NCAPG2: variants seen among roughly 807,000 people sequenced by gnomAD.
NCAPG2 encodes the protein condensin-2 complex subunit G2.
A neutral mutation model predicts 141.1 loss-of-function variants in NCAPG2; 53 were observed. The observed-to-expected ratio is 0.38, with a 90% CI of 0.30 to 0.47. The LOEUF is 0.47. Ranked by LOEUF, NCAPG2 falls within the 20% of genes least tolerant of loss-of-function variation. NCAPG2 has a pLI of 0.99. For missense variants in NCAPG2, 1,087 were observed against 1,389.0 expected (o/e 0.78, Z 3.46); for synonymous variants, 499 against 490.7 (o/e 1.02, Z -0.22).
chr7:158,675,352 G>T, intron 12 of NCAPG2, 125 bp downstream of exon 12: 2 of 1,061,394 alleles, frequency 1.9e-6, no homozygotes, highest in Non-Finnish European at 2.6e-6. Context: ...TTGGATATAT[G>T]ACAGGTCAAA....
intron 22 of NCAPG2, among the ~76,000 whole-genome samples, chr7:158,653,764 C>A (rs1239781776): frequency 6.6e-6 from 1 of 152,190 alleles, no homozygotes; most frequent in Non-Finnish European, 1.5e-5. Flanking sequence ...TAGCAAATAA[C>A]TAGGCTTAAA....
intron 16 of NCAPG2, among the ~76,000 whole-genome samples, chr7:158,660,987 T>C (rs1469178485): frequency 2.0e-5 from 3 of 152,218 alleles, no homozygotes; most frequent in Admixed American, 2.0e-4. Context: ...CCGTCATGAC[T>C]GTGAGGCTTC....
intron 24 of NCAPG2, among the ~76,000 whole-genome samples, chr7:158,647,477 T>A (rs1355410079): frequency 6.6e-6 from 1 of 152,230 alleles, no homozygotes; most frequent in African/African-American, 2.4e-5. Context: ...TTATCAGCCT[T>A]GTGAGCTTCG....
chr7:158,655,575 T>C (rs1285267851), intron 19 of NCAPG2, 120 bp from the exon 20 acceptor site: 2 of 680,860 alleles, frequency 2.9e-6, no homozygotes, highest in Non-Finnish European at 4.8e-6. Context: ...CCCGCTCTGG[T>C]GAAGCCCAGT....
rs555734788 is a variant in NCAPG2 at position 158,653,372 on chromosome 7, A to T, written c.2747-892T>A. On this transcript the variant is annotated intron_variant, in intron 22 of 27. Transcript: ENST00000356309. ...AGAGAAAGACTTGGTCTCAAAAAAA[A>T]AAAAATAAAAAAAAAAATAATAATA... Among the ~76,000 whole-genome samples the T allele has an allele frequency of 7.8e-3, 728 of 93,238 alleles. 6 individuals are homozygous for T. Among genetic ancestry groups the T allele is most frequent in the South Asian group, 0.016 (43 of 2,638 alleles). The allele number at this position is 93,238 out of a possible 152,430, so 61.2% of individuals were successfully genotyped here.
At chr7:158,699,538 C>A (rs763475094) in intron 2 of NCAPG2, among the ~76,000 whole-genome samples, 1 of 152,190 alleles carries the variant, frequency 6.6e-6, no homozygotes, top group Non-Finnish European at 1.5e-5. Context: ...TCCATTCATA[C>A]CTGGGCCACA....
intron 24 of NCAPG2, among the ~76,000 whole-genome samples, chr7:158,648,228 A>G (rs1831173420): frequency 6.6e-6 from 1 of 152,206 alleles, no homozygotes; most frequent in Non-Finnish European, 1.5e-5. Flanking sequence ...GATTCCTACC[A>G]TGCAATGGAC....
Position 158,664,173 on chromosome 7 carries a change from G to A in NCAPG2, c.1815+11C>T. 6.3e-7 allele frequency: 1 copy of A among 1,583,964 alleles called. No individual in the cohort carries two copies. Among genetic ancestry groups the A allele is most frequent in the Non-Finnish European group, 8.7e-7 (1 of 1,152,550 alleles). ...GGCACTATCTGCCCGGCCTGGCCCT[G>A]TTCTACTCACAGTCACATTCTCCTT... On this transcript the variant is annotated intron_variant, in intron 15 of 27. Coordinates refer to ENST00000356309, the MANE Select transcript of NCAPG2 (RefSeq NM_017760.7).
chr7:158,684,721 T>C (rs1357119767), intron 8 of NCAPG2, among the ~76,000 whole-genome samples: 1 of 152,236 alleles, frequency 6.6e-6, no homozygotes, highest in Non-Finnish European at 1.5e-5. Flanking sequence ...GTTTTTATTT[T>C]GTTTATTTTT....
At chr7:158,644,224 C>T (rs1830840814) in intron 27 of NCAPG2, 65 bp downstream of exon 27, 12 of 1,332,860 alleles carry the variant, frequency 9.0e-6, no homozygotes, top group Non-Finnish European at 1.2e-5. Context: ...AATACAACCT[C>T]ATGCAGATCC....
intron 12 of NCAPG2, among the ~76,000 whole-genome samples, chr7:158,673,676 C>G (rs369109169): frequency 6.6e-6 from 1 of 152,202 alleles, no homozygotes; most frequent in African/African-American, 2.4e-5. Context: ...TCAAAGAAGA[C>G]GCTTGTCTGT....
Position 158,680,816 on chromosome 7 carries a change from C to T in NCAPG2, c.925G>A (p.Val309Ile). ...TTTTGATGGTGAAAGTAACTCAGAACCTAAGGACCAAAAAAAGGAAAAGGA... is the reference window on the plus strand; with the variant it reads ...TTTTGATGGTGAAAGTAACTCAGAATCTAAGGACCAAAAAAAGGAAAAGGA... The part of the protein sequence containing the change: ...RSPVHSKVRE[V>I]LSYFHHQKKV... Residue 309 changes from valine (V) to isoleucine (I), a missense_variant and splice_region_variant, in exon 10 of 28, where the codon GTT (valine) becomes ATT (isoleucine). Physicochemically the swap from Val to Ile is conservative, Grantham distance 29 (BLOSUM62 3). Coordinates refer to ENST00000356309, the MANE Select transcript of NCAPG2 (RefSeq NM_017760.7). 6.3e-7 allele frequency: 1 copy of T among 1,580,702 alleles called. No homozygotes were observed. Among genetic ancestry groups the T allele is most frequent in the Non-Finnish European group, 8.6e-7 (1 of 1,166,052 alleles).
intron 8 of NCAPG2, among the ~76,000 whole-genome samples, chr7:158,685,719 T>C (rs7800022): frequency 0.55 from 83,188 of 152,076 alleles, 23,302 homozygotes; most frequent in Non-Finnish European, 0.6. Context: ...CCTTGGTTGA[T>C]TGAATCCATG....
Position 158,675,461 on chromosome 7 carries a change from A to T in NCAPG2, c.1326+16T>A. 1 of 1,558,174 alleles carries T rather than the reference A, an allele frequency of 6.4e-7. No homozygotes were observed. Among genetic ancestry groups the T allele is most frequent in the Non-Finnish European group, 8.6e-7 (1 of 1,157,716 alleles). The stretch of plus-strand genomic sequence containing the variant: ...ACAACAAATAAACATTACTTACATA[A>T]TTTAAAAAATCTTACCTTAAAGACA... On this transcript the variant is annotated intron_variant, in intron 12 of 27. Transcript: ENST00000356309.
chr7:158,636,550 T>C lies in NCAPG2; in HGVS notation c.3381-4833A>G, dbSNP rs555441413. Among the ~76,000 whole-genome samples, 24 of 151,874 alleles carry C rather than the reference T, an allele frequency of 1.6e-4. No individual in the cohort carries two copies. In the South Asian group the frequency reaches 4.6e-3, roughly 29 times the overall value. ...CCAAGTAGCTGAGATTACAGGCATG[T>C]GCCACCATACCCAGCTAATTTTTGT... On this transcript the variant is annotated intron_variant, in intron 27 of 27. Transcript: ENST00000356309.
intron 16 of NCAPG2, among the ~76,000 whole-genome samples, 180 bp downstream of exon 16, chr7:158,662,014 T>C (rs1832549237): frequency 6.6e-6 from 1 of 152,150 alleles, no homozygotes; most frequent in African/African-American, 2.4e-5. Flanking sequence ...ACACAAGATC[T>C]CCACCCTCAA....
chr7:158,672,316 ATATATATATATATTTTTTTTTT>A (rs1833772661), intron 12 of NCAPG2, among the ~76,000 whole-genome samples: 2 of 35,750 alleles, frequency 5.6e-5, no homozygotes, highest in African/African-American at 2.2e-4. Context: ...ATATATATAT[ATATATATATATATTTTTTTTTT>A]TTTTTTTTTT....
intron 11 of NCAPG2, 131 bp from the exon 12 acceptor site, chr7:158,675,787 T>C: frequency 1.1e-6 from 1 of 911,772 alleles, no homozygotes; most frequent in East Asian, 2.8e-5. Flanking sequence ...TGGACACATA[T>C]GGATTCCTAG....
chr7:158,656,634 T>G lies in NCAPG2; in HGVS notation c.2132A>C (p.Asp711Ala). The change falls in exon 18 of 28, where the codon GAT (aspartate) becomes GCT (alanine). Residue 711 changes from aspartate to alanine, a missense_variant. By Grantham distance (126) the Asp-to-Ala change is moderately radical. Coordinates refer to ENST00000356309, the MANE Select transcript of NCAPG2 (RefSeq NM_017760.7). ...CACCTGCCCCCAGGAGCAGAGGCAATCCAACAAAGTGCAGTAGCTCTTGTC... is the reference window on the plus strand; with the variant it reads ...CACCTGCCCCCAGGAGCAGAGGCAAGCCAACAAAGTGCAGTAGCTCTTGTC... ...AVDKSYCTLL[D>A]CLCSWGQVGH... 6.2e-7 allele frequency: 1 copy of G among 1,614,100 alleles called. No homozygotes were observed.
Sources: allele counts gnomAD v4.1 joint callset (sites outside exome capture counted in the v4.1 genomes callset), GRCh38; gene constraint gnomAD v4.1.1; transcripts MANE v1.5; gene names NCBI Gene and HGNC (gene_info 2026-07-23, HGNC 2026-07-21).